The following KIFC3 variants were observed in gnomAD, a reference collection of about 807,000 sequenced individuals.
KIFC3 encodes the protein kinesin-like protein KIFC3.
A neutral mutation model predicts 101.8 loss-of-function variants in KIFC3; 60 were observed. That is an observed-to-expected ratio of 0.59 (90% CI 0.48 to 0.73). KIFC3 has a LOEUF of 0.73. Among genes scored for constraint, KIFC3 ranks in the 30% least tolerant of loss-of-function variants. KIFC3 has a pLI of 0.00. For synonymous variants in KIFC3, 476 were observed against 482.7 expected (o/e 0.99, Z 0.18); for missense variants, 966 against 1,137.1 (o/e 0.85, Z 2.16).
rs1269988057 is a variant in KIFC3, at chr16:57,760,827, G to A, written c.2131C>T (p.Leu711=). 4.3e-6 allele frequency: 7 copies of A among 1,613,322 alleles called. No individual in the cohort carries two copies. The highest frequency in any genetic ancestry group is 2.2e-5 in the East Asian group (1 of 44,888). The stretch of plus-strand genomic sequence containing the variant: ...GGCACGTGGCCCTGGCGGGAGCGCA[G>A]GGCAGCAATGACGTCCCCCAGAGCC... ...LSALGDVIAA[L]RSRQGHVPFR... Residue 711 remains leucine (L), a synonymous_variant, in exon 16 of 20, where the codon CTG becomes TTG. Transcript: ENST00000445690.
rs545578419 is a variant in KIFC3, at chr16:57,797,671, C to T, written c.172+401G>A. 321 of 1,117,564 alleles carry T rather than the reference C, an allele frequency of 2.9e-4. No individual in the cohort carries two copies. In the African/African-American group the frequency reaches 5.0e-3, roughly 17 times the overall value. 69.2% of individuals were successfully genotyped at this position (1,117,564 alleles called of 1,614,324 possible). A position where few individuals can be genotyped will look rare whatever the true frequency, so the allele number is the denominator to read the frequency against. On this transcript the variant is annotated intron_variant, in intron 2 of 19. Transcript: ENST00000445690. ...CAGCCCAGGCAGGATCAAGTGTCAG[C>T]GGCGCTTGGTGCCCAGGCAGCCACT...
chr16:57,852,138 A>G (rs1360844088), intron 1 of KIFC3, among the ~76,000 whole-genome samples: 1 of 150,982 alleles, frequency 6.6e-6, no homozygotes, highest in Non-Finnish European at 1.5e-5. Context: ...TCTCACTTTT[A>G]TGTTAGAGAC....
At chr16:57,810,770 GCAA>G (rs1386901127) in intron 1 of KIFC3, 47 of 757,674 alleles carry the variant, frequency 6.2e-5, no homozygotes, top group Non-Finnish European at 7.4e-5. Context: ...TTCAATCCCC[GCAA>G]CAACATGTGT....
intron 1 of KIFC3, chr16:57,798,658 A>G (rs1416184311): frequency 3.4e-6 from 1 of 292,700 alleles, no homozygotes; most frequent in East Asian, 9.7e-5. Context: ...TTCCTCCAAG[A>G]CATCTAATTT....
chr16:57,828,843 T>A (rs1555631235), intron 1 of KIFC3, among the ~76,000 whole-genome samples: 2 of 151,576 alleles, frequency 1.3e-5, no homozygotes, highest in African/African-American at 4.9e-5. Context: ...CAGAAGGTAG[T>A]GTAGATAGCT....
intron 3 of KIFC3, among the ~76,000 whole-genome samples, chr16:57,783,826 A>G (rs1183524304): frequency 4.6e-5 from 7 of 152,196 alleles, no homozygotes; most frequent in African/African-American, 1.7e-4. Context: ...TGAAAAGCCT[A>G]ACTGGGGAAG....
chr16:57,795,766 C>T (rs1376023086), intron 2 of KIFC3, among the ~76,000 whole-genome samples: 2 of 151,966 alleles, frequency 1.3e-5, no homozygotes, highest in Admixed American at 1.3e-4. Context: ...GCCAGCCTCA[C>T]GAGTCATGAG....
intron 3 of KIFC3, among the ~76,000 whole-genome samples, chr16:57,789,970 C>G (rs1162915195): frequency 6.6e-6 from 1 of 151,896 alleles, no homozygotes; most frequent in African/African-American, 2.4e-5. Flanking sequence ...CTCCTGACTT[C>G]AAGTGATCCA....
intron 2 of KIFC3, among the ~76,000 whole-genome samples, chr16:57,797,192 C>T (rs1243638457): frequency 6.6e-6 from 1 of 152,250 alleles, no homozygotes; most frequent in African/African-American, 2.4e-5. Flanking sequence ...CTTCTGTGCA[C>T]CAAGGGGCTT....
chr16:57,819,229 G>T (rs1280858235), intron 1 of KIFC3, among the ~76,000 whole-genome samples: 1 of 152,214 alleles, frequency 6.6e-6, no homozygotes, highest in African/African-American at 2.4e-5. Context: ...CAGTACTTTG[G>T]GAGGCCGAGA....
intron 9 of KIFC3, among the ~76,000 whole-genome samples, chr16:57,767,643 T>C (rs2050639796): frequency 6.6e-6 from 1 of 152,174 alleles, no homozygotes; most frequent in African/African-American, 2.4e-5. Context: ...CCATATACTT[T>C]ATTTTTTTTG....
intron 1 of KIFC3, among the ~76,000 whole-genome samples, chr16:57,853,418 C>CAAAATAAAATAAAAT (rs71385127): frequency 8.6e-4 from 126 of 146,096 alleles, no homozygotes; most frequent in African/African-American, 2.1e-3. Flanking sequence ...GACTCCATCT[C>CAAAATAAAATAAAAT]AAAATAAAAT....
intron 11 of KIFC3, among the ~76,000 whole-genome samples, chr16:57,765,204 C>T (rs1597904607): frequency 6.6e-6 from 1 of 151,360 alleles, no homozygotes; most frequent in Non-Finnish European, 1.5e-5. Flanking sequence ...GCCTTGGGGA[C>T]GGGAGGAACC....
intron 1 of KIFC3, among the ~76,000 whole-genome samples, chr16:57,826,075 G>A (rs13333964): frequency 0.05 from 7,679 of 152,260 alleles, 278 homozygotes; most frequent in African/African-American, 0.099. Flanking sequence ...CTTAACCTCC[G>A]TCCTCTGCCT....
Position 57,759,216 on chromosome 16 carries a change from C to G in KIFC3, c.2477-63G>C, listed in dbSNP as rs1315772044. The G allele has an allele frequency of 3.3e-6, 5 of 1,534,014 alleles. No homozygotes were observed. In the East Asian group the frequency reaches 1.2e-4, roughly 38 times the overall value. On this transcript the variant is annotated intron_variant, in intron 18 of 19. Transcript: ENST00000445690. ...GCCTTGGGCCAGTACCCCACAAGACCCTGCTGCTGCTACCCCTTTGGACTC... is the reference window on the plus strand; with the variant it reads ...GCCTTGGGCCAGTACCCCACAAGACGCTGCTGCTGCTACCCCTTTGGACTC...
intron 1 of KIFC3, among the ~76,000 whole-genome samples, chr16:57,828,734 G>C (rs113423926): frequency 0.014 from 2,112 of 152,192 alleles, 49 homozygotes; most frequent in African/African-American, 0.049. Context: ...TGGCCTTTTA[G>C]TTAAGTGCCT....
At chr16:57,819,452 G>C (rs933742422) in intron 1 of KIFC3, among the ~76,000 whole-genome samples, 5 of 152,194 alleles carry the variant, frequency 3.3e-5, no homozygotes, top group African/African-American at 9.7e-5. Flanking sequence ...GATATCTCCT[G>C]TTTGGACACC....
Position 57,769,774 on chromosome 16 carries a change from C to T in KIFC3, c.1087+34G>A, listed in dbSNP as rs781977689. ...GGCGGGAGGGGATGAGGGGCCGCGGCGTGGGGCAGACAGGGCCCAGCTGGT... is the reference window on the plus strand; with the variant it reads ...GGCGGGAGGGGATGAGGGGCCGCGGTGTGGGGCAGACAGGGCCCAGCTGGT... On this transcript the variant is annotated intron_variant, in intron 8 of 19. Coordinates refer to ENST00000445690, the MANE Select transcript of KIFC3 (RefSeq NM_001130100.2). The surrounding 1 kb of genome is among the most constrained non-coding windows in gnomAD (Gnocchi z 4.3). The T allele has an allele frequency of 6.8e-6, 11 of 1,612,474 alleles. No homozygotes were observed. The highest frequency in any genetic ancestry group is 8.5e-6 in the Non-Finnish European group (10 of 1,179,638).
At chr16:57,802,678 G>T, upstream of KIFC3, 1 of 948,862 alleles carries the variant, frequency 1.1e-6, no homozygotes, top group Non-Finnish European at 1.4e-6. This position sits in a 1 kb window ranked among gnomAD's most constrained non-coding sequence, Gnocchi z 5.0. Flanking sequence ...ACTCCTTCGC[G>T]GGGCCTCCCA....
Sources: gnomAD v4.1 joint callset for allele counts (sites outside exome capture counted in the v4.1 genomes callset) on GRCh38, gnomAD v4.1.1 for gene constraint, Gnocchi (gnomAD v3.1) non-coding constraint, MANE v1.5 for transcripts, NCBI Gene and HGNC (gene_info 2026-07-23, HGNC 2026-07-21) for gene names.